GALNT13: variants seen among roughly 807,000 people sequenced by gnomAD.
GALNT13 encodes the protein UDP-GalNAc:polypeptide N-acetylgalactosaminyltransferase 13.
In GALNT13, 28 loss-of-function variants were observed where a neutral mutation model predicts 64.2. That is an observed-to-expected ratio of 0.44 (90% CI 0.32 to 0.60). GALNT13 has a LOEUF of 0.60. Among genes scored for constraint, GALNT13 ranks in the 20% least tolerant of loss-of-function variants. The pLI is 0.05. For missense variants in GALNT13, 577 were observed against 669.8 expected, an observed-to-expected ratio of 0.86 and a Z score of 1.53; for synonymous variants, 214 against 224.6, an observed-to-expected ratio of 0.95 and a Z score of 0.42.
chr2:153,109,369 T>C, the GALNT13 span, among the ~76,000 whole-genome samples: 1 of 152,122 alleles, frequency 6.6e-6, no homozygotes. Context: ...CTGGACATGT[T>C]GAAAGCAAAG....
chr2:153,786,203 C>T, the GALNT13 span, among the ~76,000 whole-genome samples: 1 of 152,178 alleles, frequency 6.6e-6, no homozygotes, highest in East Asian at 1.9e-4. Flanking sequence ...GAAGAGGAAA[C>T]CCAGAGTCAA....
At chr2:153,541,508 T>C in the GALNT13 span, among the ~76,000 whole-genome samples, 1 of 152,164 alleles carries the variant, frequency 6.6e-6, no homozygotes, top group Non-Finnish European at 1.5e-5. Context: ...GTGTGGGTCA[T>C]AGAAACCAGA....
the GALNT13 span, among the ~76,000 whole-genome samples, chr2:153,618,895 T>G: frequency 6.6e-6 from 1 of 152,010 alleles, no homozygotes; most frequent in African/African-American, 2.4e-5. Context: ...CCCTTTATTT[T>G]TAGTCTGTGG....
the GALNT13 span, among the ~76,000 whole-genome samples, chr2:153,170,737 T>A: frequency 6.6e-6 from 1 of 152,224 alleles, no homozygotes; most frequent in Non-Finnish European, 1.5e-5. Context: ...TTACCTTATT[T>A]GAAATTCAGA....
the GALNT13 span, among the ~76,000 whole-genome samples, chr2:153,437,658 T>C: frequency 1.3e-5 from 2 of 152,212 alleles, no homozygotes; most frequent in African/African-American, 4.8e-5. Context: ...CCCCTGCTTT[T>C]TTTTGTTTTC....
the GALNT13 span, among the ~76,000 whole-genome samples, chr2:153,569,501 G>T: frequency 1.2e-4 from 17 of 143,076 alleles, no homozygotes; most frequent in Admixed American, 2.2e-4. Flanking sequence ...CAACTATCTG[G>T]GTTTCCTTTT....
the GALNT13 span, chr2:153,478,401 G>A: frequency 3.6e-5 from 58 of 1,614,052 alleles, no homozygotes; most frequent in Non-Finnish European, 4.8e-5. Context: ...TCTGCACCAC[G>A]CGCATTATGT....
At chr2:153,807,867 CTTTA>C in the GALNT13 span, among the ~76,000 whole-genome samples, 1 of 152,070 alleles carries the variant, frequency 6.6e-6, no homozygotes, top group Non-Finnish European at 1.5e-5. Context: ...CTTTTTGGAT[CTTTA>C]TTTATAGGAA....
chr2:153,968,534 G>A lies in GALNT13; in HGVS notation c.142+23895G>A, dbSNP rs544671926. Among the ~76,000 whole-genome samples the A allele has an allele frequency of 1.6e-4, 24 of 152,206 alleles. No individual in the cohort carries two copies. In the South Asian group the frequency reaches 5.0e-3, roughly 32 times the overall value. On this transcript the variant is annotated intron_variant, in intron 3 of 12. Coordinates refer to ENST00000392825, the MANE Select transcript of GALNT13 (RefSeq NM_052917.4). The stretch of plus-strand genomic sequence containing the variant: ...TTCTTTGTTGCTATGTTGAACCTAG[G>A]TATGTGGTCCTTACCTGCTTATCTG...
At chr2:153,195,589 C>A in the GALNT13 span, among the ~76,000 whole-genome samples, 1 of 152,174 alleles carries the variant, frequency 6.6e-6, no homozygotes, top group Admixed American at 6.5e-5. Flanking sequence ...AACTGCAGGG[C>A]CCCAAAGAGG....
intron 3 of GALNT13, among the ~76,000 whole-genome samples, chr2:153,974,988 A>T (rs867223723): frequency 1.3e-5 from 2 of 152,220 alleles, no homozygotes; most frequent in Non-Finnish European, 2.9e-5. Flanking sequence ...TAGCATCATT[A>T]GAAAGAATGG....
At chr2:154,117,886 C>A in intron 3 of GALNT13, among the ~76,000 whole-genome samples, 1 of 152,132 alleles carries the variant, frequency 6.6e-6, no homozygotes, top group East Asian at 1.9e-4. Context: ...ATAATGTCTT[C>A]ATTTAATCTT....
intron 11 of GALNT13, 93 bp from the exon 12 acceptor site, chr2:154,438,499 T>G (rs1387950885): frequency 1.2e-6 from 1 of 846,346 alleles, no homozygotes; most frequent in East Asian, 2.6e-5. Flanking sequence ...AAAACACAAG[T>G]TTATCTGATA....
chr2:153,733,070 T>C, the GALNT13 span, among the ~76,000 whole-genome samples: 1 of 151,888 alleles, frequency 6.6e-6, no homozygotes, highest in Non-Finnish European at 1.5e-5. Context: ...AGTGGAAGAG[T>C]AGAAAGAAGA....
chr2:153,660,612 T>C, the GALNT13 span, among the ~76,000 whole-genome samples: 1 of 149,838 alleles, frequency 6.7e-6, no homozygotes, highest in Non-Finnish European at 1.5e-5. Context: ...ATATACACAT[T>C]ATATATATAT....
the GALNT13 span, among the ~76,000 whole-genome samples, chr2:153,562,745 T>G: frequency 6.6e-6 from 1 of 152,214 alleles, no homozygotes; most frequent in Non-Finnish European, 1.5e-5. Context: ...ACTTTTTAAG[T>G]ATTTGTCTCT....
intron 1 of GALNT13, among the ~76,000 whole-genome samples, chr2:153,872,876 TGTC>T (rs1686078603): frequency 6.6e-6 from 1 of 152,126 alleles, no homozygotes; most frequent in Non-Finnish European, 1.5e-5. Flanking sequence ...TCGCCGTGTG[TGTC>T]TCTGCCTCTG....
chr2:153,170,181 A>G, the GALNT13 span, among the ~76,000 whole-genome samples: 6,167 of 152,276 alleles, frequency 0.04, 411 homozygotes, highest in African/African-American at 0.14. Flanking sequence ...TCTTTTTAGC[A>G]AACAATAGAG....
the GALNT13 span, among the ~76,000 whole-genome samples, chr2:153,587,450 A>G: frequency 6.6e-6 from 1 of 152,166 alleles, no homozygotes; most frequent in African/African-American, 2.4e-5. Context: ...ACATGGCTGG[A>G]GCAGCCTCAC....
Sources: allele counts gnomAD v4.1 joint callset (sites outside exome capture counted in the v4.1 genomes callset), GRCh38; gene constraint gnomAD v4.1.1; transcripts MANE v1.5; gene names NCBI Gene and HGNC (gene_info 2026-07-23, HGNC 2026-07-21).